The following CISD3 variants were observed in gnomAD, a reference collection of about 807,000 sequenced individuals.
CISD3 encodes CDGSH iron-sulfur domain-containing protein 3, mitochondrial.
Under a neutral mutation model 14.1 loss-of-function variants are expected in CISD3, and 11 were observed. The ratio of observed to expected loss-of-function variants is 0.78; its 90% CI spans 0.49 to 1.29. The LOEUF is 1.29. Among genes scored for constraint, CISD3 ranks in the 50% most tolerant of loss-of-function variants. The probability of loss-of-function intolerance (pLI) is 0.00; values close to 1 mark genes in which losing one functional copy is unlikely to be tolerated. For missense variants in CISD3, 156 were observed against 171.6 expected, an observed-to-expected ratio of 0.91 and a Z score of 0.51; for synonymous variants, 53 against 69.2, an observed-to-expected ratio of 0.77 and a Z score of 1.16.
Position 38,735,087 on chromosome 17 carries a change from A to T in CISD3, c.*1632A>T, listed in dbSNP as rs1299846915. The T allele has an allele frequency of 1.2e-5, 6 of 516,512 alleles. No individual in the cohort carries two copies. The highest frequency in any genetic ancestry group is 3.2e-5 in the East Asian group (1 of 30,778). 32.0% of individuals were successfully genotyped at this position (516,512 alleles called of 1,614,324 possible). A position where few individuals can be genotyped will look rare whatever the true frequency, so the allele number is the denominator to read the frequency against. ...GTTTTTCCTATGTACATATATATAT[A>T]TATTTATTTATAAAACCCGCCCCCC... On this transcript the variant is annotated 3_prime_UTR_variant, in exon 4 of 4. Transcript: ENST00000613478.
At chr17:38,732,903 A>T (rs1041595679) in intron 3 of CISD3, among the ~76,000 whole-genome samples, 10 of 151,282 alleles carry the variant, frequency 6.6e-5, no homozygotes, top group Non-Finnish European at 1.3e-4. Context: ...GAACATGGGA[A>T]GTAAATGAAT....
chr17:38,730,477 C>A, intron 1 of CISD3, 71 bp downstream of exon 1: 2 of 1,177,700 alleles, frequency 1.7e-6, no homozygotes, highest in Non-Finnish European at 2.3e-6. Context: ...CCCACTCCAG[C>A]CCCGGCCCGG....
At chr17:38,730,902 G>A (rs1057413366) in intron 2 of CISD3, 107 bp downstream of exon 2, 4 of 1,233,134 alleles carry the variant, frequency 3.2e-6, no homozygotes, top group East Asian at 2.5e-5. Context: ...CCTATTCCCT[G>A]GAGTTAGCCC....
At chr17:38,732,757 C>G (rs1380041527) in intron 3 of CISD3, among the ~76,000 whole-genome samples, 1 of 152,100 alleles carries the variant, frequency 6.6e-6, no homozygotes, top group Non-Finnish European at 1.5e-5. Flanking sequence ...CACTTCTGTG[C>G]CAGCCAGCCA....
intron 2 of CISD3, 57 bp from the exon 3 acceptor site, chr17:38,731,263 G>A (rs577659534): frequency 1.9e-4 from 290 of 1,539,136 alleles, no homozygotes; most frequent in Non-Finnish European, 2.4e-4. Context: ...GTCGCAGGCC[G>A]GACGGTGCTT....
chr17:38,731,378 A>G lies in CISD3; in HGVS notation c.143A>G (p.Lys48Arg). 6.4e-7 allele frequency: 1 copy of G among 1,551,616 alleles called. No individual in the cohort carries two copies. The highest frequency in any genetic ancestry group is 8.7e-7 in the Non-Finnish European group (1 of 1,146,968). Reference protein sequence around the residue: ...RSVVALKTPIKVELVAGKTYR... With the variant: ...RSVVALKTPIRVELVAGKTYR... ...GTGGTGGCCCTGAAGACCCCCATCA[A>G]GGTGGAGCTGGTGGCAGGGAAAACC... is the stretch of plus-strand genomic sequence containing the variant. The change falls in exon 3 of 4, where the codon AAG becomes AGG. Residue 48 changes from lysine (K) to arginine (R), a missense_variant. By Grantham distance (26) the Lys-to-Arg change is conservative. Transcript: ENST00000613478.
chr17:38,735,554 C>A lies in CISD3; in HGVS notation c.*2099C>A, dbSNP rs535420083. On this transcript the variant is annotated 3_prime_UTR_variant, in exon 4 of 4. Coordinates refer to ENST00000613478, the MANE Select transcript of CISD3 (RefSeq NM_001136498.2). ...GGTGGGCACCGTGGCTAGGGTGAGC[C>A]GCTTGCAGGCTGGCTGGACACGGTA... The A allele has an allele frequency of 5.0e-6, 8 of 1,584,578 alleles. No homozygotes were observed. The highest frequency in any genetic ancestry group is 1.1e-5 in the South Asian group (1 of 87,112).
chr17:38,730,444 C>T (rs897715117), intron 1 of CISD3, 38 bp downstream of exon 1: 12 of 1,289,940 alleles, frequency 9.3e-6, no homozygotes, highest in African/African-American at 1.6e-5. Flanking sequence ...CCGTCCCGAA[C>T]CCCAGCCGGG....
intron 1 of CISD3, 105 bp downstream of exon 1, chr17:38,730,511 C>T: frequency 4.9e-6 from 5 of 1,029,790 alleles, no homozygotes; most frequent in Non-Finnish European, 6.8e-6. Flanking sequence ...AGCTCCCGGC[C>T]CGTCCCGCCG....
rs1196763991 is a variant in CISD3 at position 38,733,422 on chromosome 17, C to T, written c.351C>T (p.Arg117=). 1.4e-5 allele frequency: 22 copies of T among 1,547,310 alleles called. No homozygotes were observed. Among genetic ancestry groups the T allele is most frequent in the East Asian group, 4.9e-5 (2 of 40,838 alleles). ...PYCDGTHRSE[R]VQKAEVGSPL ...GCGATGGCACCCACAGGAGTGAGCG[C>T]GTGCAGAAGGCAGAAGTGGGCTCCC... Residue 117 remains arginine, a synonymous_variant, in exon 4 of 4, where the codon CGC becomes CGT. Transcript: ENST00000613478.
At chr17:38,730,929 TG>T in intron 2 of CISD3, 134 bp downstream of exon 2, 1 of 992,072 alleles carries the variant, frequency 1.0e-6, no homozygotes, top group South Asian at 1.5e-5. Flanking sequence ...CTCAGGGAGG[TG>T]GGGCGGACCA....
Position 38,735,521 on chromosome 17 carries a change from T to C in CISD3, c.*2066T>C. On this transcript the variant is annotated 3_prime_UTR_variant, in exon 4 of 4. Coordinates refer to ENST00000613478, the MANE Select transcript of CISD3 (RefSeq NM_001136498.2). The stretch of plus-strand genomic sequence containing the variant: ...GGACGCCCCGCTGGTGTTGGTGCCC[T>C]CGGAGGGGGTGGGCACCGTGGCTAG... 1.3e-6 allele frequency: 2 copies of C among 1,589,796 alleles called. No individual in the cohort carries two copies. The highest frequency in any genetic ancestry group is 1.7e-6 in the Non-Finnish European group (2 of 1,168,372).
rs138572530 is a variant in CISD3, at chr17:38,734,946, A to AC, written c.*1499dup. On this transcript the variant is annotated 3_prime_UTR_variant, in exon 4 of 4. Transcript: ENST00000613478. Reference sequence around the variant, plus strand: ...CCCCAAAAACAGCAAATTACACAAGACCCCCCCCAAAAAAAATGAACACCA... The same window carrying AC: ...CCCCAAAAACAGCAAATTACACAAGACCCCCCCCCAAAAAAAATGAACACCA... 0.042 allele frequency: 10,648 copies of AC among 250,928 alleles called. 412 individuals carry two copies. Among genetic ancestry groups the AC allele is most frequent in the South Asian group, 0.073 (405 of 5,568 alleles). 15.5% of individuals were successfully genotyped at this position (250,928 alleles called of 1,614,324 possible). A position where few individuals can be genotyped will look rare whatever the true frequency, so the allele number is the denominator to read the frequency against.
At chr17:38,731,546 GGGACACCAAGGGGGCT>G in intron 3 of CISD3, 107 bp downstream of exon 3, 1 of 1,418,954 alleles carries the variant, frequency 7.0e-7, no homozygotes, top group Non-Finnish European at 9.6e-7. Flanking sequence ...ACATACCTGA[GGGACACCAAGGGGGCT>G]TGGGAACAAA....
rs779709363 is a variant in CISD3, at chr17:38,731,411, G to GGT, written c.186_187dup (p.Gly63ValfsTer83). ...CTGGTGGCAGGGAAAACCTACAGGT[G>GGT]GTGTGTGTGTGGCCGCAGCAAGAAG... On this transcript the variant is annotated frameshift_variant, in exon 3 of 4. Coordinates refer to ENST00000613478, the MANE Select transcript of CISD3 (RefSeq NM_001136498.2). LOFTEE classifies it high-confidence loss of function. The GGT allele has an allele frequency of 3.9e-6, 6 of 1,551,564 alleles. No homozygotes were observed. The highest frequency in any genetic ancestry group is 4.4e-6 in the Non-Finnish European group (5 of 1,146,932).
In CISD3 at chr17:38,735,584, AG is replaced by A; in HGVS notation, c.*2134del. On this transcript the variant is annotated 3_prime_UTR_variant, in exon 4 of 4. Transcript: ENST00000613478. ...GCAGGCTGGCTGGACACGGTACTTG[AG>A]GGGGAGAGGCCCGTTCTGCGGGGAG... 6.4e-7 allele frequency: 1 copy of A among 1,574,534 alleles called. No homozygotes were observed. The highest frequency in any genetic ancestry group is 8.6e-7 in the Non-Finnish European group (1 of 1,157,714).
chr17:38,734,072 TC>T lies in CISD3; in HGVS notation c.*619del, dbSNP rs1320305067. The T allele has an allele frequency of 6.7e-6, 1 of 149,776 alleles. No individual in the cohort carries two copies. The highest frequency in any genetic ancestry group is 1.5e-5 in the Non-Finnish European group (1 of 67,716). 9.3% of individuals were successfully genotyped at this position (149,776 alleles called of 1,614,324 possible). A position where few individuals can be genotyped will look rare whatever the true frequency, so the allele number is the denominator to read the frequency against. Reference sequence around the variant, plus strand: ...GGAATCTCGAGTCTCGACTCCCGACTCCTCTCAGATCTATGCACACTTGAGG... The same window carrying T: ...GGAATCTCGAGTCTCGACTCCCGACTCTCTCAGATCTATGCACACTTGAGG... On this transcript the variant is annotated 3_prime_UTR_variant, in exon 4 of 4. Transcript: ENST00000613478.
rs1906577286 is a variant in CISD3, at chr17:38,735,107, C to A, written c.*1652C>A. ...TATATATATTTATTTATAAAACCCG[C>A]CCCCCACCCCCAAGGTGGGAAGAGC... On this transcript the variant is annotated 3_prime_UTR_variant, in exon 4 of 4. Coordinates refer to ENST00000613478, the MANE Select transcript of CISD3 (RefSeq NM_001136498.2). 2 of 742,906 alleles carry A rather than the reference C, an allele frequency of 2.7e-6. No homozygotes were observed. Among genetic ancestry groups the A allele is most frequent in the Admixed American group, 7.7e-5 (2 of 25,928 alleles). The allele number at this position is 742,906 out of a possible 1,614,324, so 46.0% of individuals were successfully genotyped here.
chr17:38,732,946 C>CGTGTGT (rs945767608), intron 3 of CISD3, among the ~76,000 whole-genome samples: 1 of 108,724 alleles, frequency 9.2e-6, no homozygotes, highest in African/African-American at 3.0e-5. Flanking sequence ...GAGACACACA[C>CGTGTGT]ACACACACAC....
Sources: allele counts gnomAD v4.1 joint callset (sites outside exome capture counted in the v4.1 genomes callset), GRCh38; gene constraint gnomAD v4.1.1; transcripts MANE v1.5; gene names NCBI Gene and HGNC (gene_info 2026-07-23, HGNC 2026-07-21).